Variants in SLC35F6 observed in about 807,000 individuals in gnomAD.
SLC35F6 encodes ANT2-binding protein.
Under a neutral mutation model 29.4 loss-of-function variants are expected in SLC35F6, and 26 were observed. The observed-to-expected ratio is 0.89, with a 90% CI of 0.65 to 1.23. SLC35F6 has a LOEUF of 1.23. SLC35F6 is among the 50% of genes most tolerant of loss of function. The probability of loss-of-function intolerance (pLI) is 0.00; values close to 1 mark genes in which losing one functional copy is unlikely to be tolerated. For synonymous variants in SLC35F6, 174 were observed against 206.6 expected, an observed-to-expected ratio of 0.84 and a Z score of 1.35; for missense variants, 428 against 487.8, an observed-to-expected ratio of 0.88 and a Z score of 1.15.
chr2:26,775,361 C>A lies in SLC35F6; in HGVS notation c.323-103C>A. On this transcript the variant is annotated intron_variant, in intron 3 of 5. Coordinates refer to ENST00000344420, the MANE Select transcript of SLC35F6 (RefSeq NM_017877.4). This position sits in a 1 kb window ranked among gnomAD's most constrained non-coding sequence, Gnocchi z 4.6. ...GCACAGGCACACAGGCAGGACTGAT[C>A]GAGCGCTTACTATGAGCTTGGCATG... 2.0e-6 allele frequency: 3 copies of A among 1,519,802 alleles called. No homozygotes were observed. The highest frequency in any genetic ancestry group is 2.7e-6 in the Non-Finnish European group (3 of 1,125,808). The allele number at this position is 1,519,802 out of a possible 1,614,324, so 94.1% of individuals were successfully genotyped here.
chr2:26,767,208 G>T (rs1274381765), intron 1 of SLC35F6, among the ~76,000 whole-genome samples: 1 of 152,178 alleles, frequency 6.6e-6, no homozygotes, highest in Admixed American at 6.5e-5. Flanking sequence ...GCTTGTGGAA[G>T]TTGTAAACCT....
rs911752734 is a variant in SLC35F6 at position 26,780,428 on chromosome 2, A to G, written c.*1917A>G. 9 of 152,184 alleles carry G rather than the reference A, an allele frequency of 5.9e-5. No homozygotes were observed. The highest frequency in any genetic ancestry group is 1.9e-4 in the African/African-American group (8 of 41,450). The allele number at this position is 152,184 out of a possible 1,614,324, so 9.4% of individuals were successfully genotyped here. ...CAACCTGCCTGCCTAGAGAACTCCC[A>G]AGATGACAGACTAAGTAGGATTCTG... On this transcript the variant is annotated 3_prime_UTR_variant, in exon 6 of 6. Coordinates refer to ENST00000344420, the MANE Select transcript of SLC35F6 (RefSeq NM_017877.4).
chr2:26,768,183 T>C lies in SLC35F6; in HGVS notation c.77+3757T>C, dbSNP rs11904482. Among the ~76,000 whole-genome samples, 1,178 of 152,282 alleles carry C rather than the reference T, an allele frequency of 7.7e-3. 19 individuals are homozygous for C. The highest frequency in any genetic ancestry group is 0.026 in the African/African-American group (1,094 of 41,556). ...CTTCAAAGGGGTTGTTGGGCCAGCT[T>C]GTGGAAGCCTTAACTCAGGAGGACA... On this transcript the variant is annotated intron_variant, in intron 1 of 5. Coordinates refer to ENST00000344420, the MANE Select transcript of SLC35F6 (RefSeq NM_017877.4).
At position 26,779,392 on chromosome 2, in the gene SLC35F6, T is replaced by G. The variant is rs1308968722; in HGVS notation, c.*881T>G. ...TGCTCTGGGAAGTAGATGTTGATGCTGTGGCCTTAGTGCCTTCTGGCCCCA... is the reference window on the plus strand; with the variant it reads ...TGCTCTGGGAAGTAGATGTTGATGCGGTGGCCTTAGTGCCTTCTGGCCCCA... On this transcript the variant is annotated 3_prime_UTR_variant, in exon 6 of 6. Transcript: ENST00000344420. 6.6e-6 allele frequency: 1 copy of G among 152,260 alleles called. No homozygotes were observed. Among genetic ancestry groups the G allele is most frequent in the East Asian group, 1.9e-4 (1 of 5,206 alleles). 9.4% of individuals were successfully genotyped at this position (152,260 alleles called of 1,614,324 possible). A position where few individuals can be genotyped will look rare whatever the true frequency, so the allele number is the denominator to read the frequency against.
At chr2:26,774,411 TTA>T in intron 2 of SLC35F6, 88 bp downstream of exon 2, 3 of 1,455,402 alleles carry the variant, frequency 2.1e-6, no homozygotes, top group Non-Finnish European at 2.8e-6. Flanking sequence ...GTTTCCTGAC[TTA>T]GGAGTGGAGG....
At position 26,775,234 on chromosome 2, in the gene SLC35F6, C is replaced by G; in HGVS notation, c.322+19C>G. On this transcript the variant is annotated intron_variant, in intron 3 of 5. Transcript: ENST00000344420. This position sits in a 1 kb window ranked among gnomAD's most constrained non-coding sequence, Gnocchi z 4.6. ...TATGTGGGTGAGTAACCAGGCCAGG[C>G]TGAGAAGGGCTCAGGGGAAGCTGTG... 1 of 1,607,664 alleles carries G rather than the reference C, an allele frequency of 6.2e-7. No individual in the cohort carries two copies. Among genetic ancestry groups the G allele is most frequent in the East Asian group, 2.2e-5 (1 of 44,740 alleles).
At chr2:26,772,813 CAG>C (rs1362252535) in intron 1 of SLC35F6, among the ~76,000 whole-genome samples, 6 of 152,186 alleles carry the variant, frequency 3.9e-5, no homozygotes, top group Non-Finnish European at 2.9e-5. Context: ...AAATTCAAGA[CAG>C]AGAATTTTCA....
Position 26,775,070 on chromosome 2 carries a change from C to T in SLC35F6, c.177C>T (p.Phe59=). The change falls in exon 3 of 6, where the codon TTC becomes TTT. Residue 59 remains phenylalanine, a synonymous_variant. Transcript: ENST00000344420. This position sits in a 1 kb window ranked among gnomAD's most constrained non-coding sequence, Gnocchi z 4.6. The part of the protein sequence containing the change: ...LQAVGMFLGE[F]SCLAAFYLLR... ...CAGTGGGCATGTTCCTGGGAGAATT[C>T]TCCTGCCTGGCTGCCTTCTACCTCC... The T allele has an allele frequency of 6.2e-7, 1 of 1,614,072 alleles. No homozygotes were observed. The highest frequency in any genetic ancestry group is 1.7e-5 in the Admixed American group (1 of 60,008).
rs1664273709 is a variant in SLC35F6, at chr2:26,775,090, ACCT to A, written c.203_205del (p.Leu68del). ...GAATTCTCCTGCCTGGCTGCCTTCTACCTCCTCCGATGCAGAGCTGCAGGGCAA... is the reference window on the plus strand; with the variant it reads ...GAATTCTCCTGCCTGGCTGCCTTCTACCTCCGATGCAGAGCTGCAGGGCAA... On this transcript the variant is annotated inframe_deletion, in exon 3 of 6. Coordinates refer to ENST00000344420, the MANE Select transcript of SLC35F6 (RefSeq NM_017877.4). The surrounding 1 kb of genome is among the most constrained non-coding windows in gnomAD (Gnocchi z 4.6). The A allele has an allele frequency of 1.2e-6, 2 of 1,613,684 alleles. No homozygotes were observed. Among genetic ancestry groups the A allele is most frequent in the Admixed American group, 1.7e-5 (1 of 59,970 alleles).
intron 1 of SLC35F6, among the ~76,000 whole-genome samples, chr2:26,769,338 C>G (rs1284806036): frequency 6.6e-6 from 1 of 152,216 alleles, no homozygotes; most frequent in Non-Finnish European, 1.5e-5. Context: ...CTCAGCTTGT[C>G]CCCGCTAGGA....
Position 26,779,748 on chromosome 2 carries a change from C to T in SLC35F6, c.*1237C>T, listed in dbSNP as rs1161171033. Reference sequence around the variant, plus strand: ...GGCCAGGATGGTCTCAATCTCCTGACCTCATGATCCACCTGCCTCAGCCTC... The same window carrying T: ...GGCCAGGATGGTCTCAATCTCCTGATCTCATGATCCACCTGCCTCAGCCTC... On this transcript the variant is annotated 3_prime_UTR_variant, in exon 6 of 6. Transcript: ENST00000344420. 1 of 151,942 alleles carries T rather than the reference C, an allele frequency of 6.6e-6. No individual in the cohort carries two copies. Among genetic ancestry groups the T allele is most frequent in the African/African-American group, 2.4e-5 (1 of 41,348 alleles). The allele number at this position is 151,942 out of a possible 1,614,324, so 9.4% of individuals were successfully genotyped here. A position where few individuals can be genotyped will look rare whatever the true frequency, so the allele number is the denominator to read the frequency against.
chr2:26,765,950 G>T (rs951417155), intron 1 of SLC35F6, among the ~76,000 whole-genome samples: 1 of 152,206 alleles, frequency 6.6e-6, no homozygotes, highest in African/African-American at 2.4e-5. Flanking sequence ...TGCCCACAAG[G>T]AGAATCCAGA....
intron 1 of SLC35F6, among the ~76,000 whole-genome samples, chr2:26,766,323 C>T (rs1225686321): frequency 6.6e-6 from 1 of 152,220 alleles, no homozygotes; most frequent in Non-Finnish European, 1.5e-5. Flanking sequence ...TCTGGCCCGG[C>T]GCGGTGGCTT....
In SLC35F6 at chr2:26,778,273, T is replaced by A; in HGVS notation, c.878T>A (p.Met293Lys). The A allele has an allele frequency of 6.2e-6, 10 of 1,614,132 alleles. No homozygotes were observed. The highest frequency in any genetic ancestry group is 7.6e-6 in the Non-Finnish European group (9 of 1,179,994). The change falls in exon 6 of 6, where the codon ATG (methionine) becomes AAG (lysine). Residue 293 changes from methionine (M) to lysine (K), a missense_variant. Coordinates refer to ENST00000344420, the MANE Select transcript of SLC35F6 (RefSeq NM_017877.4). ...VTKELSATTRMVLDSLRTVVI... is the reference protein window; with the variant it reads ...VTKELSATTRKVLDSLRTVVI... ...AAGGAACTGAGCGCCACCACCCGCA[T>A]GGTGTTGGACAGCTTGCGCACCGTT...
chr2:26,776,271 C>A, intron 4 of SLC35F6, 101 bp from the exon 5 acceptor site: 1 of 1,001,876 alleles, frequency 1.0e-6, no homozygotes, highest in Non-Finnish European at 1.5e-6. Context: ...GGGGGCCCTG[C>A]AGAGGTCAGG....
intron 1 of SLC35F6, among the ~76,000 whole-genome samples, chr2:26,765,527 G>T (rs540109848): frequency 1.3e-5 from 2 of 152,322 alleles, no homozygotes; most frequent in East Asian, 3.9e-4. Flanking sequence ...ACGATCCCAT[G>T]TATAAGGTAC....
chr2:26,772,008 C>T (rs1282117112), intron 1 of SLC35F6, among the ~76,000 whole-genome samples: 1 of 152,182 alleles, frequency 6.6e-6, no homozygotes, highest in Non-Finnish European at 1.5e-5. Flanking sequence ...CCGAACTTCT[C>T]CCTTCAACTC....
At chr2:26,776,266 C>A (rs1664298544) in intron 4 of SLC35F6, 106 bp from the exon 5 acceptor site, 2 of 915,054 alleles carry the variant, frequency 2.2e-6, no homozygotes, top group African/African-American at 1.6e-5. Context: ...CTATAGGGGG[C>A]CCTGCAGAGG....
intron 5 of SLC35F6, among the ~76,000 whole-genome samples, chr2:26,777,744 G>GTGTA (rs1491112093): frequency 2.1e-5 from 1 of 47,664 alleles, no homozygotes; most frequent in Non-Finnish European, 4.4e-5. Flanking sequence ...GTTTTTATGA[G>GTGTA]TGTGTGTGTG....
Sources: gnomAD v4.1 joint callset for allele counts (sites outside exome capture counted in the v4.1 genomes callset) on GRCh38, gnomAD v4.1.1 for gene constraint, Gnocchi (gnomAD v3.1) non-coding constraint, MANE v1.5 for transcripts, NCBI Gene and HGNC (gene_info 2026-07-23, HGNC 2026-07-21) for gene names.